Variants in ZFHX3 observed in about 807,000 individuals in gnomAD.
ZFHX3 encodes zinc finger homeobox 3.
Under a neutral mutation model 279.1 loss-of-function variants are expected in ZFHX3, and 42 were observed. The observed-to-expected ratio is 0.15, with a 90% CI of 0.12 to 0.19. ZFHX3 has a LOEUF of 0.19. ZFHX3 is among the 10% of genes least tolerant of loss of function. The probability of loss-of-function intolerance (pLI) is 1.00; values close to 1 mark genes in which losing one functional copy is unlikely to be tolerated. For synonymous variants in ZFHX3, 2,293 were observed against 1,957.8 expected (o/e 1.17, Z -4.52); for missense variants, 4,981 against 4,754.0 (o/e 1.05, Z -1.40).
intron 2 of ZFHX3, among the ~76,000 whole-genome samples, chr16:73,629,137 T>C (rs770915623): frequency 4.7e-4 from 71 of 152,208 alleles, no homozygotes; most frequent in Non-Finnish European, 8.8e-4. Flanking sequence ...AAGCCATTCC[T>C]CCCACCTTCC....
intron 2 of ZFHX3, among the ~76,000 whole-genome samples, chr16:73,591,008 C>G (rs1160985206): frequency 6.6e-6 from 1 of 152,144 alleles, no homozygotes; most frequent in Admixed American, 6.5e-5. Flanking sequence ...CAAGAGGGTG[C>G]AAACCGCAAA....
chr16:73,823,302 A>G lies in ZFHX3; in HGVS notation c.-1608+68349T>C, dbSNP rs769737390. Among the ~76,000 whole-genome samples, 319 of 152,278 alleles carry G rather than the reference A, an allele frequency of 2.1e-3. 1 individual carries two copies. Among genetic ancestry groups the G allele is most frequent in the Non-Finnish European group, 3.7e-3 (253 of 68,024 alleles). ...CAGAGGAACTAAAAGATGGCCAGAGAGGCCACAGTGGAGGGAAAAAAGAAA... is the reference window on the plus strand; with the variant it reads ...CAGAGGAACTAAAAGATGGCCAGAGGGGCCACAGTGGAGGGAAAAAAGAAA... On this transcript the variant is annotated intron_variant, in intron 1 of 17. Coordinates refer to the ZFHX3 transcript ENST00000641206.
intron 1 of ZFHX3, among the ~76,000 whole-genome samples, chr16:72,976,460 T>C (rs1010848769): frequency 6.6e-6 from 1 of 152,232 alleles, no homozygotes; most frequent in Non-Finnish European, 1.5e-5. Flanking sequence ...GTTGTTCTAA[T>C]GATTTTTATT....
intron 5 of ZFHX3, among the ~76,000 whole-genome samples, chr16:73,149,306 C>T (rs1475752523): frequency 6.7e-6 from 1 of 148,452 alleles, no homozygotes; most frequent in Non-Finnish European, 1.5e-5. Context: ...AGATATTATA[C>T]TTTATTAATA....
At chr16:72,859,437 A>AC (rs1250276632) in intron 4 of ZFHX3, among the ~76,000 whole-genome samples, 1 of 152,106 alleles carries the variant, frequency 6.6e-6, no homozygotes, top group Non-Finnish European at 1.5e-5. Context: ...ACAAAATCCC[A>AC]CCTCAGCCTT....
chr16:72,863,395 G>A (rs894183886), intron 4 of ZFHX3, among the ~76,000 whole-genome samples: 1 of 149,734 alleles, frequency 6.7e-6, no homozygotes, highest in African/African-American at 2.5e-5. Flanking sequence ...GTGCGTGCCT[G>A]TAGTCCCAGC....
intron 1 of ZFHX3, among the ~76,000 whole-genome samples, chr16:72,965,330 C>T (rs528174912): frequency 1.3e-5 from 2 of 152,308 alleles, no homozygotes; most frequent in South Asian, 2.1e-4. Context: ...CTCACCCAAA[C>T]GCCCTTTTCT....
chr16:73,700,549 T>C (rs1372777728), intron 1 of ZFHX3, among the ~76,000 whole-genome samples: 1 of 152,218 alleles, frequency 6.6e-6, no homozygotes, highest in African/African-American at 2.4e-5. Flanking sequence ...TTATGTAAAT[T>C]CACAGTAGAT....
At chr16:73,612,552 T>G (rs1166085885) in intron 2 of ZFHX3, among the ~76,000 whole-genome samples, 1 of 152,258 alleles carries the variant, frequency 6.6e-6, no homozygotes, top group Non-Finnish European at 1.5e-5. Flanking sequence ...GGAATGCTTC[T>G]GTTTCCTCAA....
At chr16:73,524,424 A>T (rs1255803885) in intron 2 of ZFHX3, among the ~76,000 whole-genome samples, 2 of 152,186 alleles carry the variant, frequency 1.3e-5, no homozygotes, top group African/African-American at 4.8e-5. Flanking sequence ...CGGCCTTTCC[A>T]TGACAACATA....
At chr16:73,371,513 A>G (rs966809581) in intron 3 of ZFHX3, among the ~76,000 whole-genome samples, 2 of 151,786 alleles carry the variant, frequency 1.3e-5, no homozygotes. Flanking sequence ...AAAACCGAGT[A>G]CCAGGTAAGT....
intron 3 of ZFHX3, among the ~76,000 whole-genome samples, chr16:73,449,797 C>G (rs905357355): frequency 6.6e-6 from 1 of 152,054 alleles, no homozygotes; most frequent in Non-Finnish European, 1.5e-5. Context: ...AATACTGAAG[C>G]ATGAAGTTAA....
intron 1 of ZFHX3, among the ~76,000 whole-genome samples, chr16:73,822,987 T>A (rs531969726): frequency 6.6e-6 from 1 of 152,316 alleles, no homozygotes; most frequent in Admixed American, 6.5e-5. Flanking sequence ...CCATACGTCA[T>A]GCACTGGGCT....
At chr16:73,277,370 A>T (rs2014327200) in intron 4 of ZFHX3, among the ~76,000 whole-genome samples, 1 of 152,224 alleles carries the variant, frequency 6.6e-6, no homozygotes, top group Admixed American at 6.5e-5. Context: ...CTGTGTCTCC[A>T]GAGGCCCAGA....
chr16:73,635,497 T>A (rs1342823874), intron 2 of ZFHX3, among the ~76,000 whole-genome samples: 1 of 152,200 alleles, frequency 6.6e-6, no homozygotes, highest in Non-Finnish European at 1.5e-5. Flanking sequence ...GGAGCTGATG[T>A]CCTAGGCTTG....
At chr16:73,537,530 A>C (rs762552953) in intron 2 of ZFHX3, among the ~76,000 whole-genome samples, 4 of 151,932 alleles carry the variant, frequency 2.6e-5, no homozygotes, top group South Asian at 2.1e-4. Context: ...GTTGGCCAGG[A>C]TGGTCTTGAT....
rs1160817499 is a variant in ZFHX3 at position 72,786,814 on chromosome 16, T to G, written c.*350A>C. 6.4e-6 allele frequency: 1 copy of G among 156,106 alleles called. No homozygotes were observed. The highest frequency in any genetic ancestry group is 1.4e-5 in the Non-Finnish European group (1 of 70,658). The allele number at this position is 156,106 out of a possible 1,614,324, so 9.7% of individuals were successfully genotyped here. A position where few individuals can be genotyped will look rare whatever the true frequency, so the allele number is the denominator to read the frequency against. ...CTCTGTGCTATCAGCGTGGGGCGTT[T>G]ATTGAAAAGGGGCAAATATACAAGG... On this transcript the variant is annotated 3_prime_UTR_variant, in exon 10 of 10. Transcript: ENST00000268489.
intron 2 of ZFHX3, among the ~76,000 whole-genome samples, chr16:73,461,323 G>A (rs2018466802): frequency 6.6e-6 from 1 of 152,118 alleles, no homozygotes. Flanking sequence ...TGGATATGGG[G>A]TTTCAGGTAT....
chr16:73,450,120 C>G (rs891062568), intron 3 of ZFHX3, among the ~76,000 whole-genome samples: 19 of 152,188 alleles, frequency 1.2e-4, no homozygotes, highest in Non-Finnish European at 1.0e-4. Context: ...ATTAACATAT[C>G]TATCACCACC....
Sources: gnomAD v4.1 joint callset for allele counts (sites outside exome capture counted in the v4.1 genomes callset) on GRCh38, gnomAD v4.1.1 for gene constraint, MANE v1.5 for transcripts, NCBI Gene and HGNC (gene_info 2026-07-23, HGNC 2026-07-21) for gene names.